The following AGPAT3 variants were observed in gnomAD, a reference collection of about 807,000 sequenced individuals.
AGPAT3 encodes the protein 1-acyl-sn-glycerol-3-phosphate acyltransferase gamma.
A neutral mutation model predicts 47.3 loss-of-function variants in AGPAT3; 5 were observed. The ratio of observed to expected loss-of-function variants is 0.11; its 90% CI spans 0.06 to 0.22. The LOEUF (loss-of-function observed/expected upper bound fraction) is 0.22, where lower values mean the gene tolerates loss of function less well. AGPAT3 is among the 10% of genes least tolerant of loss of function. AGPAT3 has a pLI of 1.00. For synonymous variants in AGPAT3, 212 were observed against 208.3 expected, an observed-to-expected ratio of 1.02 and a Z score of -0.15; for missense variants, 315 against 493.0, an observed-to-expected ratio of 0.64 and a Z score of 3.42.
In AGPAT3 at chr21:43,886,211, C is replaced by A. The variant is rs77328173; in HGVS notation, c.-111-17746C>A. Reference sequence around the variant, plus strand: ...TCTGCTCCTCCTGGCAGTCCCCCTGCTGTGCTATCAAATATTAGGTCTTTA... The same window carrying A: ...TCTGCTCCTCCTGGCAGTCCCCCTGATGTGCTATCAAATATTAGGTCTTTA... On this transcript the variant is annotated intron_variant, in intron 1 of 9. Coordinates refer to ENST00000291572, the MANE Select transcript of AGPAT3 (RefSeq NM_020132.5). Among the ~76,000 whole-genome samples the A allele has an allele frequency of 3.4e-3, 515 of 152,184 alleles. 10 individuals are homozygous for A. The highest frequency in any genetic ancestry group is 0.022 in the Admixed American group (335 of 15,278).
intron 4 of AGPAT3, among the ~76,000 whole-genome samples, chr21:43,968,842 A>G (rs1303783922): frequency 6.6e-6 from 1 of 152,092 alleles, no homozygotes; most frequent in African/African-American, 2.4e-5. Flanking sequence ...CAGCACCCCC[A>G]GGCCACCCCC....
chr21:43,971,938 G>A (rs1447298689), intron 7 of AGPAT3, among the ~76,000 whole-genome samples: 1 of 152,118 alleles, frequency 6.6e-6, no homozygotes, highest in East Asian at 1.9e-4. Context: ...CACGACCTGG[G>A]GGGCATACGG....
intron 7 of AGPAT3, among the ~76,000 whole-genome samples, chr21:43,974,997 C>T (rs2089551323): frequency 6.6e-6 from 1 of 152,136 alleles, no homozygotes; most frequent in South Asian, 2.1e-4. Flanking sequence ...TGCATGTGTG[C>T]TGGTGTGTGC....
intron 2 of AGPAT3, among the ~76,000 whole-genome samples, chr21:43,927,050 T>G (rs2087081422): frequency 6.6e-6 from 1 of 150,930 alleles, no homozygotes; most frequent in Admixed American, 6.6e-5. Flanking sequence ...ACTCCTGATC[T>G]GCCTGCCTCA....
intron 7 of AGPAT3, among the ~76,000 whole-genome samples, chr21:43,971,946 C>A (rs564075692): frequency 6.2e-4 from 94 of 152,242 alleles, no homozygotes; most frequent in African/African-American, 2.0e-3. Context: ...GGGGGGCATA[C>A]GGTGCTGACT....
intron 1 of AGPAT3, among the ~76,000 whole-genome samples, chr21:43,871,203 T>C (rs957879055): frequency 6.6e-6 from 1 of 152,114 alleles, no homozygotes; most frequent in African/African-American, 2.4e-5. Context: ...ATTTCCAAAA[T>C]GCAGGAAGAG....
intron 2 of AGPAT3, among the ~76,000 whole-genome samples, chr21:43,923,058 C>G: frequency 6.6e-6 from 1 of 152,182 alleles, no homozygotes; most frequent in Admixed American, 6.5e-5. Context: ...GGTGTCTGTG[C>G]TGGCACAAGG....
chr21:43,948,228 G>A (rs1286747045), intron 2 of AGPAT3: 2 of 152,132 alleles, frequency 1.3e-5, no homozygotes, highest in Admixed American at 6.6e-5. Context: ...TTCTACCAAC[G>A]GTGTTGGTCT....
chr21:43,922,576 T>C lies in AGPAT3; in HGVS notation c.-49+18557T>C, dbSNP rs981952210. Among the ~76,000 whole-genome samples, 1 of 152,148 alleles carries C rather than the reference T, an allele frequency of 6.6e-6. No homozygotes were observed. The highest frequency in any genetic ancestry group is 1.5e-5 in the Non-Finnish European group (1 of 68,008). On this transcript the variant is annotated intron_variant, in intron 2 of 9. Coordinates refer to ENST00000291572, the MANE Select transcript of AGPAT3 (RefSeq NM_020132.5). The surrounding 1 kb of genome is among the most constrained non-coding windows in gnomAD (Gnocchi z 4.9). ...CCTGCATGGCAGGGGGCACAGAGAC[T>C]CTGGGCCTGGGTCCCCCCCGGCACA...
intron 2 of AGPAT3, among the ~76,000 whole-genome samples, chr21:43,923,518 C>T (rs773312003): frequency 2.1e-4 from 32 of 152,198 alleles, no homozygotes; most frequent in Non-Finnish European, 3.1e-4. Flanking sequence ...TCAGATCCCC[C>T]AGGGCCAGGG....
intron 1 of AGPAT3, among the ~76,000 whole-genome samples, chr21:43,878,890 G>C (rs1330986715): frequency 6.6e-6 from 1 of 152,026 alleles, no homozygotes; most frequent in Non-Finnish European, 1.5e-5. Flanking sequence ...GAAGTTGCAC[G>C]CCACCACACC....
At chr21:43,898,125 AAGAGGGG>A (rs954484883) in intron 1 of AGPAT3, among the ~76,000 whole-genome samples, 19 of 152,228 alleles carry the variant, frequency 1.2e-4, no homozygotes, top group Admixed American at 9.2e-4. Flanking sequence ...AAAAAGAAAG[AAGAGGGG>A]AGAGGGGAGA....
At chr21:43,924,309 G>A (rs1464721167) in intron 2 of AGPAT3, among the ~76,000 whole-genome samples, 4 of 152,056 alleles carry the variant, frequency 2.6e-5, no homozygotes, top group Admixed American at 6.5e-5. Context: ...ACAGGCGTGA[G>A]CCATCGCGCC....
chr21:43,903,713 G>A (rs1055360928), intron 1 of AGPAT3, among the ~76,000 whole-genome samples: 2 of 152,214 alleles, frequency 1.3e-5, no homozygotes, highest in African/African-American at 4.8e-5. Context: ...GTTCATTTAT[G>A]AGCCATCTGT....
chr21:43,865,945 C>A (rs552293118), intron 1 of AGPAT3, among the ~76,000 whole-genome samples: 1 of 152,000 alleles, frequency 6.6e-6, no homozygotes, highest in Non-Finnish European at 1.5e-5. Context: ...GGGTTCGGCC[C>A]GGAGACCGGC....
intron 7 of AGPAT3, among the ~76,000 whole-genome samples, chr21:43,974,222 C>CTATGTGTGTATAAATTA (rs893551587): frequency 1.3e-4 from 11 of 84,084 alleles, no homozygotes; most frequent in African/African-American, 4.4e-4. Context: ...TATAAATTAT[C>CTATGTGTGTATAAATTA]TATGTGTGTA....
intron 2 of AGPAT3, among the ~76,000 whole-genome samples, chr21:43,944,304 C>T (rs1168356864): frequency 6.6e-6 from 1 of 152,262 alleles, no homozygotes; most frequent in Non-Finnish European, 1.5e-5. Context: ...GCTGGCCCTG[C>T]ATTGCGGCTG....
chr21:43,923,613 A>ATGATGCCCTCGAGTTTGAACATT (rs1162588440), intron 2 of AGPAT3, among the ~76,000 whole-genome samples: 1 of 152,214 alleles, frequency 6.6e-6, no homozygotes, highest in Non-Finnish European at 1.5e-5. Context: ...TGGGGTTCCC[A>ATGATGCCCTCGAGTTTGAACATT]TGATGCCCTC....
rs912787999 is a variant in AGPAT3 at position 43,880,305 on chromosome 21, G to A, written c.-112+14960G>A. On this transcript the variant is annotated intron_variant, in intron 1 of 9. Coordinates refer to ENST00000291572, the MANE Select transcript of AGPAT3 (RefSeq NM_020132.5). This position sits in a 1 kb window ranked among gnomAD's most constrained non-coding sequence, Gnocchi z 4.5. ...AGAGCCCGAGATCTGGGAGCGGCAG[G>A]GGCAGCCACTGTTCCTGTGGAACAC... 4.6e-5 allele frequency among the ~76,000 whole-genome samples: 7 copies of A among 152,232 alleles called. No individual in the cohort carries two copies. Among genetic ancestry groups the A allele is most frequent in the Non-Finnish European group, 8.8e-5 (6 of 68,038 alleles).
Sources: allele counts gnomAD v4.1 joint callset (sites outside exome capture counted in the v4.1 genomes callset), GRCh38; gene constraint gnomAD v4.1.1; non-coding constraint Gnocchi (gnomAD v3.1); transcripts MANE v1.5; gene names NCBI Gene and HGNC (gene_info 2026-07-23, HGNC 2026-07-21).